Variants in CORIN observed in about 807,000 individuals in gnomAD.
CORIN encodes corin, serine peptidase.
In CORIN, 117 loss-of-function variants were observed where a neutral mutation model predicts 125.3. The observed-to-expected ratio is 0.93, with a 90% CI of 0.80 to 1.09. The LOEUF (loss-of-function observed/expected upper bound fraction) is 1.09. CORIN is among the 50% of genes least tolerant of loss of function. The pLI, the probability that CORIN is intolerant of heterozygous loss-of-function variation, is 0.00. For missense variants in CORIN, 1,253 were observed against 1,306.7 expected (o/e 0.96, Z 0.63); for synonymous variants, 450 against 466.4 (o/e 0.96, Z 0.45).
intron 19 of CORIN, 23 bp downstream of exon 19, chr4:47,623,548 A>G (rs1365419512): frequency 6.2e-7 from 1 of 1,607,168 alleles, no homozygotes; most frequent in African/African-American, 1.3e-5. Context: ...CAGGCAAAGG[A>G]AAAAAGGAAA....
At chr4:47,691,812 A>T (rs1034251996) in intron 6 of CORIN, among the ~76,000 whole-genome samples, 18 of 152,290 alleles carry the variant, frequency 1.2e-4, no homozygotes, top group Admixed American at 3.3e-4. Context: ...CTGAAATGTT[A>T]CCATGATAAA....
At chr4:47,739,166 C>A (rs1441789816) in intron 5 of CORIN, among the ~76,000 whole-genome samples, 1 of 151,888 alleles carries the variant, frequency 6.6e-6, no homozygotes, top group African/African-American at 2.4e-5. Context: ...GAAAACTTCT[C>A]AAATTTGGAG....
At chr4:47,793,997 G>C (rs557342067) in intron 2 of CORIN, among the ~76,000 whole-genome samples, 1 of 152,014 alleles carries the variant, frequency 6.6e-6, no homozygotes, top group Non-Finnish European at 1.5e-5. Context: ...ATATAACCTC[G>C]GGCCTCAGTA....
chr4:47,724,784 A>G (rs1305998227), intron 5 of CORIN, among the ~76,000 whole-genome samples: 3 of 152,216 alleles, frequency 2.0e-5, no homozygotes, highest in African/African-American at 7.2e-5. Context: ...CTCCTAGAAA[A>G]TGAGATTTAG....
chr4:47,752,045 T>C (rs951554731), intron 4 of CORIN, among the ~76,000 whole-genome samples: 6 of 152,046 alleles, frequency 3.9e-5, no homozygotes, highest in African/African-American at 1.4e-4. Context: ...CAATCAATTA[T>C]GACAGGATGC....
At chr4:47,772,271 G>A (rs1449986787) in intron 3 of CORIN, among the ~76,000 whole-genome samples, 4 of 152,226 alleles carry the variant, frequency 2.6e-5, no homozygotes, top group Non-Finnish European at 5.9e-5. Flanking sequence ...GAGGGGTCAA[G>A]GTAGAGAAAT....
chr4:47,634,883 G>C (rs1722964346), intron 16 of CORIN, among the ~76,000 whole-genome samples: 1 of 152,160 alleles, frequency 6.6e-6, no homozygotes, highest in Non-Finnish European at 1.5e-5. Flanking sequence ...AAGGGATGTA[G>C]GTCCCAAAGG....
chr4:47,789,285 C>T (rs1730960944), intron 2 of CORIN, among the ~76,000 whole-genome samples: 1 of 151,934 alleles, frequency 6.6e-6, no homozygotes, highest in Non-Finnish European at 1.5e-5. Context: ...GCCAGGGCAA[C>T]AAGAGTGAAA....
rs903992414 is a variant in CORIN at position 47,594,541 on chromosome 4, A to G, written c.*1180T>C. 1.3e-5 allele frequency: 2 copies of G among 152,476 alleles called. No individual in the cohort carries two copies. Among genetic ancestry groups the G allele is most frequent in the African/African-American group, 4.8e-5 (2 of 41,458 alleles). The allele number at this position is 152,476 out of a possible 1,614,324, so 9.4% of individuals were successfully genotyped here. On this transcript the variant is annotated 3_prime_UTR_variant, in exon 22 of 22. Coordinates refer to ENST00000273857, the MANE Select transcript of CORIN (RefSeq NM_006587.4). ...GCTAAAAATCATTTCTAAAATTTTA[A>G]TTACCAATGAGAAGAAACCAGATAT...
At chr4:47,760,143 T>C (rs1358052239) in intron 4 of CORIN, among the ~76,000 whole-genome samples, 2 of 152,218 alleles carry the variant, frequency 1.3e-5, no homozygotes, top group Non-Finnish European at 2.9e-5. Context: ...ATTTCTGAAA[T>C]AATAAGACTT....
chr4:47,609,102 G>A (rs1395012540), intron 19 of CORIN, among the ~76,000 whole-genome samples: 1 of 152,126 alleles, frequency 6.6e-6, no homozygotes, highest in Non-Finnish European at 1.5e-5. Context: ...GCTAAGTGGT[G>A]ATTTGGAGAT....
intron 3 of CORIN, among the ~76,000 whole-genome samples, chr4:47,774,649 A>G (rs1162240960): frequency 6.6e-6 from 1 of 152,156 alleles, no homozygotes; most frequent in East Asian, 1.9e-4. Context: ...AGGAAAAGGG[A>G]GCAAGTAGAC....
rs1729558574 is a variant in CORIN, at chr4:47,763,385, T to C, written c.611A>G (p.Asp204Gly). The C allele has an allele frequency of 6.2e-7, 1 of 1,613,058 alleles. No individual in the cohort carries two copies. The highest frequency in any genetic ancestry group is 1.7e-4 in the Middle Eastern group (1 of 6,058). The change falls in exon 4 of 22, where the codon GAT (aspartate) becomes GGT (glycine). Residue 204 changes from aspartate (D) to glycine (G), a missense_variant. By Grantham distance (94) the Asp-to-Gly change is moderately conservative (BLOSUM62 -1). Coordinates refer to ENST00000273857, the MANE Select transcript of CORIN (RefSeq NM_006587.4). ...AATCTGGGTTCCGAAATACCTGTCATCGCCATCAATGATGCACTCAGGGAA... is the reference window on the plus strand; with the variant it reads ...AATCTGGGTTCCGAAATACCTGTCACCGCCATCAATGATGCACTCAGGGAA... The part of the protein sequence containing the change: ...LAFPECIIDG[D>G]DSHGLLPCRS...
At chr4:47,817,579 T>C (rs1415481309) in intron 1 of CORIN, among the ~76,000 whole-genome samples, 2 of 152,208 alleles carry the variant, frequency 1.3e-5, no homozygotes, top group Non-Finnish European at 2.9e-5. Flanking sequence ...CAAAAGGTGC[T>C]GCCTGGAAAC....
At chr4:47,829,100 G>A (rs1732861443) in intron 1 of CORIN, among the ~76,000 whole-genome samples, 1 of 130,236 alleles carries the variant, frequency 7.7e-6, no homozygotes, top group Non-Finnish European at 1.6e-5. Context: ...GGAGCTTGCA[G>A]TGAGCCGAGA....
chr4:47,702,536 G>A (rs1726351457), intron 5 of CORIN, among the ~76,000 whole-genome samples: 1 of 151,976 alleles, frequency 6.6e-6, no homozygotes, highest in Non-Finnish European at 1.5e-5. Context: ...CTTATTCGTT[G>A]GGCTATACTG....
At chr4:47,605,255 C>A (rs984790673) in intron 19 of CORIN, among the ~76,000 whole-genome samples, 17 of 152,170 alleles carry the variant, frequency 1.1e-4, no homozygotes, top group Non-Finnish European at 1.8e-4. Flanking sequence ...TATTCTCTGT[C>A]TTGGCCCCTA....
chr4:47,781,413 A>G (rs1730538746), intron 3 of CORIN, among the ~76,000 whole-genome samples: 1 of 152,218 alleles, frequency 6.6e-6, no homozygotes. Context: ...AAGGTGTACA[A>G]TAAAATACAC....
At chr4:47,744,877 G>A (rs1358788082) in intron 4 of CORIN, among the ~76,000 whole-genome samples, 1 of 152,130 alleles carries the variant, frequency 6.6e-6, no homozygotes, top group Non-Finnish European at 1.5e-5. Context: ...CAGCCTAAAA[G>A]AGCTCTATTT....
Sources: gnomAD v4.1 joint callset for allele counts (sites outside exome capture counted in the v4.1 genomes callset) on GRCh38, gnomAD v4.1.1 for gene constraint, MANE v1.5 for transcripts, NCBI Gene and HGNC (gene_info 2026-07-23, HGNC 2026-07-21) for gene names.